PLD1: variants seen among roughly 807,000 people sequenced by gnomAD.
PLD1 encodes the protein phospholipase D1.
Under a neutral mutation model 137.1 loss-of-function variants are expected in PLD1, and 112 were observed. That is an observed-to-expected ratio of 0.82 (90% CI 0.70 to 0.96). PLD1 has a LOEUF of 0.96. Ranked by LOEUF, PLD1 falls within the 40% of genes least tolerant of loss-of-function variation. PLD1 has a pLI of 0.00. For missense variants in PLD1, 1,321 were observed against 1,342.0 expected, an observed-to-expected ratio of 0.98 and a Z score of 0.24; for synonymous variants, 431 against 454.7, an observed-to-expected ratio of 0.95 and a Z score of 0.66.
intron 1 of PLD1, among the ~76,000 whole-genome samples, chr3:171,741,897 AC>A (rs1719803031): frequency 6.6e-6 from 1 of 152,244 alleles, no homozygotes; most frequent in African/African-American, 2.4e-5. Flanking sequence ...AATAATATCA[AC>A]TATAATTATT....
rs575955122 is a variant in PLD1 at position 171,626,154 on chromosome 3, T to C, written c.2594-5634A>G. ...GGAATAACCAATACAGAGAAGTGCT[T>C]AAAGGAGCTGACGGAGCTGAAAGCC... On this transcript the variant is annotated intron_variant, in intron 23 of 26. Transcript: ENST00000351298. Among the ~76,000 whole-genome samples the C allele has an allele frequency of 5.3e-5, 8 of 152,148 alleles. No homozygotes were observed. In the South Asian group the frequency reaches 1.5e-3, roughly 28 times the overall value.
chr3:171,605,559 C>A, intron 25 of PLD1, 143 bp from the exon 26 acceptor site: 1 of 622,858 alleles, frequency 1.6e-6, no homozygotes, highest in Non-Finnish European at 2.9e-6. Flanking sequence ...CTCTCATATC[C>A]TCAGAGTGCC....
chr3:171,721,466 G>A (rs947735949), intron 8 of PLD1: 4 of 152,292 alleles, frequency 2.6e-5, no homozygotes, highest in African/African-American at 9.6e-5. Flanking sequence ...ACTCCGATCA[G>A]TTCTTGGCTG....
At chr3:171,609,537 C>T (rs1248967820) in intron 25 of PLD1, among the ~76,000 whole-genome samples, 2 of 148,490 alleles carry the variant, frequency 1.3e-5, no homozygotes, top group Non-Finnish European at 3.0e-5. Context: ...CACACACACA[C>T]ACACACACAC....
At chr3:171,620,997 A>G (rs1400260439) in intron 23 of PLD1, among the ~76,000 whole-genome samples, 1 of 151,962 alleles carries the variant, frequency 6.6e-6, no homozygotes, top group Non-Finnish European at 1.5e-5. Flanking sequence ...GGTGTGTGCC[A>G]AACCACCTGA....
At chr3:171,786,713 G>C (rs377385999) in intron 1 of PLD1, among the ~76,000 whole-genome samples, 1 of 151,978 alleles carries the variant, frequency 6.6e-6, no homozygotes, top group Admixed American at 6.6e-5. Flanking sequence ...CTTCTGTGTC[G>C]TTTAATTACT....
chr3:171,805,245 G>A (rs79757362), intron 1 of PLD1, among the ~76,000 whole-genome samples: 4,857 of 152,196 alleles, frequency 0.032, 110 homozygotes, highest in Non-Finnish European at 0.053. Context: ...AAAAATGATT[G>A]AGTACAGAAT....
In PLD1 at chr3:171,612,529, A is replaced by C. The variant is rs1732749748; in HGVS notation, c.2729-97T>G. The C allele has an allele frequency of 1.7e-6, 2 of 1,192,964 alleles. No individual in the cohort carries two copies. The highest frequency in any genetic ancestry group is 1.2e-6 in the Non-Finnish European group (1 of 819,426). The allele number at this position is 1,192,964 out of a possible 1,614,324, so 73.9% of individuals were successfully genotyped here. On this transcript the variant is annotated intron_variant, in intron 24 of 26. Transcript: ENST00000351298. The surrounding 1 kb of genome is among the most constrained non-coding windows in gnomAD (Gnocchi z 4.1). Reference sequence around the variant, plus strand: ...AATTCATCCTTGCAAACAAAACCGTAATTTTGTCCAGGTTTTCAAGGGAAG... The same window carrying C: ...AATTCATCCTTGCAAACAAAACCGTCATTTTGTCCAGGTTTTCAAGGGAAG...
rs1560289466 is a variant in PLD1 at position 171,764,944 on chromosome 3, AAG to A, written c.-31-26864_-31-26863del. ...AGAAAGGAAAGAAAGGAAAGAAAGA[AAG>A]AAAGAAAGAAAGAAAGAAAGAAAGA... On this transcript the variant is annotated intron_variant, in intron 1 of 26. Coordinates refer to ENST00000351298, the MANE Select transcript of PLD1 (RefSeq NM_002662.5). 1.8e-4 allele frequency among the ~76,000 whole-genome samples: 6 copies of A among 34,032 alleles called. 1 individual carries two copies. The highest frequency in any genetic ancestry group is 2.5e-4 in the Non-Finnish European group (4 of 16,322). The allele number at this position is 34,032 out of a possible 152,430, so 22.3% of individuals were successfully genotyped here. A position where few individuals can be genotyped will look rare whatever the true frequency, so the allele number is the denominator to read the frequency against.
intron 23 of PLD1, among the ~76,000 whole-genome samples, chr3:171,626,504 C>G (rs971114203): frequency 1.3e-5 from 2 of 152,106 alleles, no homozygotes; most frequent in Non-Finnish European, 2.9e-5. Context: ...ACAGAGAACG[C>G]CACAAAGATA....
rs373068255 is a variant in PLD1, at chr3:171,701,859, C to A, written c.1146-2033G>T. Among the ~76,000 whole-genome samples the A allele has an allele frequency of 1.2e-4, 19 of 152,180 alleles. No individual in the cohort carries two copies. In the East Asian group the frequency reaches 2.7e-3, roughly 22 times the overall value. On this transcript the variant is annotated intron_variant, in intron 11 of 26. Coordinates refer to ENST00000351298, the MANE Select transcript of PLD1 (RefSeq NM_002662.5). ...ACCACTAAGAAAGAAAACATCATGA[C>A]AACTATAACTGTAAGAGCATAAGAT... is the stretch of plus-strand genomic sequence containing the variant.
At chr3:171,787,554 G>T (rs1008731903) in intron 1 of PLD1, among the ~76,000 whole-genome samples, 1 of 152,096 alleles carries the variant, frequency 6.6e-6, no homozygotes, top group East Asian at 1.9e-4. Context: ...TGTGCACCAA[G>T]AAAGGAATCT....
intron 21 of PLD1, among the ~76,000 whole-genome samples, chr3:171,655,568 C>T (rs149148059): frequency 6.6e-6 from 1 of 152,086 alleles, no homozygotes; most frequent in African/African-American, 2.4e-5. Context: ...AAATTTCTAG[C>T]CTTTAGAAAT....
intron 1 of PLD1, among the ~76,000 whole-genome samples, chr3:171,766,988 A>G (rs901120569): frequency 2.0e-5 from 3 of 152,218 alleles, no homozygotes; most frequent in African/African-American, 7.2e-5. Context: ...TATATGTCTC[A>G]TAATCTTGGT....
chr3:171,780,446 T>G lies in PLD1; in HGVS notation c.-32+29953A>C, dbSNP rs376609100. Among the ~76,000 whole-genome samples the G allele has an allele frequency of 2.6e-5, 4 of 152,174 alleles. No homozygotes were observed. The South Asian group carries it at 8.3e-4, about 32-fold the overall frequency. ...CAACATATTTTCACCACAGACTGACTGAGGGTGAATAAAGGAGGGATGTCT... is the reference window on the plus strand; with the variant it reads ...CAACATATTTTCACCACAGACTGACGGAGGGTGAATAAAGGAGGGATGTCT... On this transcript the variant is annotated intron_variant, in intron 1 of 26. Coordinates refer to ENST00000351298, the MANE Select transcript of PLD1 (RefSeq NM_002662.5).
intron 1 of PLD1, among the ~76,000 whole-genome samples, chr3:171,760,300 C>T (rs918905540): frequency 5.3e-5 from 8 of 152,176 alleles, no homozygotes; most frequent in African/African-American, 1.7e-4. Context: ...ATTCTTCACA[C>T]TTTCTGCTAT....
At chr3:171,673,312 T>C (rs1712980857) in intron 19 of PLD1, among the ~76,000 whole-genome samples, 1 of 151,974 alleles carries the variant, frequency 6.6e-6, no homozygotes, top group Non-Finnish European at 1.5e-5. Context: ...GATGGACTCT[T>C]ACTCTGTCAC....
At chr3:171,716,725 G>A (rs1717712993) in intron 8 of PLD1, among the ~76,000 whole-genome samples, 2 of 152,064 alleles carry the variant, frequency 1.3e-5, no homozygotes, top group Admixed American at 6.6e-5. Context: ...TTCTTTTGCT[G>A]TGCAGAAGCT....
intron 23 of PLD1, among the ~76,000 whole-genome samples, chr3:171,624,312 C>T (rs183477585): frequency 1.3e-4 from 20 of 152,008 alleles, no homozygotes; most frequent in African/African-American, 4.6e-4. Context: ...ATAAAAATGA[C>T]GTTGAGAAAC....
Sources: allele counts gnomAD v4.1 joint callset (sites outside exome capture counted in the v4.1 genomes callset), GRCh38; gene constraint gnomAD v4.1.1; non-coding constraint Gnocchi (gnomAD v3.1); transcripts MANE v1.5; gene names NCBI Gene and HGNC (gene_info 2026-07-23, HGNC 2026-07-21).